NOX5: variants seen among roughly 807,000 people sequenced by gnomAD.
The protein encoded by NOX5 is NADPH oxidase 5.
Under a neutral mutation model 85.7 loss-of-function variants are expected in NOX5, and 76 were observed. That is an observed-to-expected ratio of 0.89 (90% CI 0.74 to 1.07). NOX5 has a LOEUF of 1.07. Ranked by LOEUF, NOX5 falls within the 50% of genes least tolerant of loss-of-function variation. The pLI is 0.00. For synonymous variants in NOX5, 405 were observed against 401.4 expected, an observed-to-expected ratio of 1.01 and a Z score of -0.11; for missense variants, 973 against 999.5, an observed-to-expected ratio of 0.97 and a Z score of 0.36.
chr15:69,020,462 A>G (rs952668340), intron 1 of NOX5, among the ~76,000 whole-genome samples: 2 of 152,128 alleles, frequency 1.3e-5, no homozygotes, highest in Admixed American at 1.3e-4. Context: ...TAAATAAAAT[A>G]GTATACTGTA....
In NOX5 at chr15:69,035,387, C is replaced by T. The variant is rs141772528; in HGVS notation, c.889C>T (p.Arg297Trp). 6.6e-4 allele frequency: 1,066 copies of T among 1,614,102 alleles called. 15 individuals are homozygous for T. The Middle Eastern group carries it at 6.8e-3, about 10-fold the overall frequency. Reference sequence around the variant, plus strand: ...GCTCAGACGCTGCCTCACCTGGCTGCGGGCCACGTGGCTGGCTCAAGTCCT... The same window carrying T: ...GCTCAGACGCTGCCTCACCTGGCTGTGGGCCACGTGGCTGGCTCAAGTCCT... The part of the protein sequence containing the change: ...LMLRRCLTWL[R>W]ATWLAQVLPL... Residue 297 changes from arginine (R) to tryptophan (W), a missense_variant, in exon 6 of 16, where the codon CGG (arginine) becomes TGG (tryptophan). Physicochemically the swap from Arg to Trp is moderately radical, Grantham distance 101 (BLOSUM62 -3). Coordinates refer to ENST00000388866, the MANE Select transcript of NOX5 (RefSeq NM_024505.4).
chr15:69,029,988 G>A (rs72752387), intron 3 of NOX5: 9,161 of 152,200 alleles, frequency 0.06, 466 homozygotes, highest in East Asian at 0.22. Context: ...CTTATATTCT[G>A]CTTTTTGATA....
rs2050860768 is a variant in NOX5, at chr15:69,060,350, T to C, written c.*3654T>C. Reference sequence around the variant, plus strand: ...CTGGGCCAACCTGTTGGAGACACAGTGGACAAACCTTTGCCCTCTGGGAGG... The same window carrying C: ...CTGGGCCAACCTGTTGGAGACACAGCGGACAAACCTTTGCCCTCTGGGAGG... On this transcript the variant is annotated 3_prime_UTR_variant, in exon 16 of 16. Transcript: ENST00000388866. 1 of 152,216 alleles carries C rather than the reference T, an allele frequency of 6.6e-6. No homozygotes were observed. The highest frequency in any genetic ancestry group is 2.1e-4 in the South Asian group (1 of 4,832). The allele number at this position is 152,216 out of a possible 1,614,324, so 9.4% of individuals were successfully genotyped here.
In NOX5 at chr15:69,037,011, C is replaced by T. The variant is rs749353160; in HGVS notation, c.1189-17C>T. 2 of 1,610,344 alleles carry T rather than the reference C, an allele frequency of 1.2e-6. No homozygotes were observed. The highest frequency in any genetic ancestry group is 1.1e-5 in the South Asian group (1 of 90,794). On this transcript the variant is annotated splice_polypyrimidine_tract_variant and intron_variant, in intron 7 of 15. Coordinates refer to ENST00000388866, the MANE Select transcript of NOX5 (RefSeq NM_024505.4). ...GCCTTGAGCTCTGGAAGTTGACTGC[C>T]CCCCCTACCCCCATAGGTGTTCTAT...
At chr15:69,055,660 C>T (rs1230517931) in intron 15 of NOX5, among the ~76,000 whole-genome samples, 160 bp downstream of exon 15, 1 of 152,180 alleles carries the variant, frequency 6.6e-6, no homozygotes, top group Non-Finnish European at 1.5e-5. Context: ...AGGGCACCTA[C>T]ACTGGCTTTA....
intron 3 of NOX5, chr15:69,031,173 C>T (rs1484261101): frequency 3.2e-6 from 1 of 316,900 alleles, no homozygotes; most frequent in Non-Finnish European, 5.8e-6. Flanking sequence ...AGGCACACTC[C>T]CTCAGCGCTA....
At chr15:69,031,349 C>T in intron 3 of NOX5, 169 bp from the exon 4 acceptor site, 1 of 679,044 alleles carries the variant, frequency 1.5e-6, no homozygotes, top group Non-Finnish European at 2.4e-6. Context: ...AGATTCTCCA[C>T]CCGTGGGGAG....
Position 69,055,480 on chromosome 15 carries a change from G to T in NOX5, c.2146G>T (p.Gly716Trp), listed in dbSNP as rs567904993. The change falls in exon 15 of 16, where the codon GGG becomes TGG. Residue 716 changes from glycine (G) to tryptophan (W), a missense_variant. Physicochemically the swap from Gly to Trp is radical, Grantham distance 184 (BLOSUM62 -2). Coordinates refer to ENST00000388866, the MANE Select transcript of NOX5 (RefSeq NM_024505.4). Reference sequence around the variant, plus strand: ...GGGGCTGCAGACGCGCACCCAGCCTGGGCGGCCTGACTGGAGCAAGGTAAT... The same window carrying T: ...GGGGCTGCAGACGCGCACCCAGCCTTGGCGGCCTGACTGGAGCAAGGTAAT... ...ITGLQTRTQP[G>W]RPDWSKVFQK... The T allele has an allele frequency of 3.7e-6, 6 of 1,613,950 alleles. No individual in the cohort carries two copies. Among genetic ancestry groups the T allele is most frequent in the Non-Finnish European group, 4.2e-6 (5 of 1,180,030 alleles).
intron 14 of NOX5, among the ~76,000 whole-genome samples, chr15:69,051,744 G>A (rs2050751873): frequency 6.6e-6 from 1 of 152,070 alleles, no homozygotes; most frequent in African/African-American, 2.4e-5. Flanking sequence ...TATATTTATG[G>A]GGGGTGAGTG....
At chr15:69,041,785 G>A (rs530267600) in intron 9 of NOX5, among the ~76,000 whole-genome samples, 17 of 152,288 alleles carry the variant, frequency 1.1e-4, no homozygotes, top group Non-Finnish European at 1.9e-4. Context: ...CCCTTGGGCC[G>A]CATGGGGCCC....
At chr15:69,035,737 C>T (rs2140263370) in intron 6 of NOX5, 21 bp from the exon 7 acceptor site, 1 of 1,609,776 alleles carries the variant, frequency 6.2e-7, no homozygotes, top group South Asian at 1.1e-5. Flanking sequence ...AGTCACTCAA[C>T]CTTTCTGAGC....
chr15:69,014,883 T>A, intron 1 of NOX5, 98 bp downstream of exon 1: 1 of 911,166 alleles, frequency 1.1e-6, no homozygotes, highest in Non-Finnish European at 1.7e-6. Flanking sequence ...GTGTCTGCCT[T>A]GGGCAGAAAT....
chr15:69,037,104 G>A lies in NOX5; in HGVS notation c.1265G>A (p.Trp422Ter). 6.2e-7 allele frequency: 1 copy of A among 1,614,086 alleles called. No homozygotes were observed. The highest frequency in any genetic ancestry group is 8.5e-7 in the Non-Finnish European group (1 of 1,180,030). ...TTTCATGGGCCCAACTTCTGGAAGT[G>A]GCTGCTGGTGCCTGGAATCTTGTTT... ...LIFHGPNFWK[W>*]LLVPGILFFL... is the part of the protein sequence containing the mutation. Residue 422 changes from tryptophan to a stop codon, truncating the protein, a stop_gained, in exon 8 of 16, where the codon TGG becomes TAG. Transcript: ENST00000388866. LOFTEE classifies it high-confidence loss of function.
Position 69,055,389 on chromosome 15 carries a change from G to A in NOX5, c.2055G>A (p.Met685Ile). The change falls in exon 15 of 16, where the codon ATG becomes ATA. Residue 685 changes from methionine (M) to isoleucine (I), a missense_variant. By Grantham distance (10) the Met-to-Ile change is conservative (BLOSUM62 1). Coordinates refer to ENST00000388866, the MANE Select transcript of NOX5 (RefSeq NM_024505.4). ...YMTSALGKND[M>I]KAIGLQMALD... ...CATCTGCACTGGGCAAGAATGACAT[G>A]AAGGCCATTGGCCTGCAGATGGCCC... 2 of 1,614,232 alleles carry A rather than the reference G, an allele frequency of 1.2e-6. No homozygotes were observed. The highest frequency in any genetic ancestry group is 1.7e-6 in the Non-Finnish European group (2 of 1,180,040).
chr15:69,031,447 TA>T, intron 3 of NOX5, 70 bp from the exon 4 acceptor site: 1 of 1,515,288 alleles, frequency 6.6e-7, no homozygotes, highest in East Asian at 2.3e-5. Flanking sequence ...GCATGGTCTA[TA>T]CCCCCAAGGA....
At chr15:69,026,493 C>T in intron 1 of NOX5, 35 bp from the exon 2 acceptor site, 1 of 1,613,558 alleles carries the variant, frequency 6.2e-7, no homozygotes, top group Non-Finnish European at 8.5e-7. Flanking sequence ...CTTTGGCCAC[C>T]CCAAGCCCAT....
At chr15:69,026,378 T>A (rs1163385283) in intron 1 of NOX5, 150 bp from the exon 2 acceptor site, 12 of 877,762 alleles carry the variant, frequency 1.4e-5, no homozygotes, top group Non-Finnish European at 2.1e-5. Context: ...TGTGGGAAGC[T>A]CCAATCCACA....
At chr15:69,045,032 T>A (rs943878697) in intron 10 of NOX5, among the ~76,000 whole-genome samples, 1 of 152,168 alleles carries the variant, frequency 6.6e-6, no homozygotes, top group African/African-American at 2.4e-5. Flanking sequence ...AGTGGGAAAC[T>A]TCTTCTGAAG....
At chr15:69,028,446 C>T in intron 3 of NOX5, 81 bp downstream of exon 3, 1 of 1,385,580 alleles carries the variant, frequency 7.2e-7, no homozygotes, top group Non-Finnish European at 9.7e-7. Context: ...CCTTGGCAGG[C>T]CTGGAGGTGC....
Sources: gnomAD v4.1 joint callset for allele counts (sites outside exome capture counted in the v4.1 genomes callset) on GRCh38, gnomAD v4.1.1 for gene constraint, MANE v1.5 for transcripts, NCBI Gene and HGNC (gene_info 2026-07-23, HGNC 2026-07-21) for gene names.